TEAD2: variants seen among roughly 807,000 people sequenced by gnomAD.
The protein encoded by TEAD2 is TEA domain transcription factor 2, also known as transcriptional enhancer factor TEF-4.
TEAD2 carries 51 observed loss-of-function variants against 61.4 expected under a neutral mutation model. The observed-to-expected ratio is 0.83, with a 90% confidence interval of 0.66 to 1.05. The LOEUF (loss-of-function observed/expected upper bound fraction) is 1.05. Ranked by LOEUF, TEAD2 falls within the 50% of genes least tolerant of loss-of-function variation. TEAD2 has a pLI of 0.00. For synonymous variants in TEAD2, 244 were observed against 243.2 expected, an observed-to-expected ratio of 1.00 and a Z score of -0.03; for missense variants, 509 against 600.0, an observed-to-expected ratio of 0.85 and a Z score of 1.58.
intron 7 of TEAD2, among the ~76,000 whole-genome samples, chr19:49,353,287 T>TG (rs1972141947): frequency 6.6e-6 from 1 of 151,558 alleles, no homozygotes; most frequent in Admixed American, 6.6e-5. Flanking sequence ...TAGGTAGAGA[T>TG]GGGGTTTTAC....
In TEAD2 at chr19:49,359,846, T is replaced by C. The variant is rs755055453; in HGVS notation, c.230A>G (p.Tyr77Cys). The change falls in exon 2 of 13, where the codon TAT becomes TGT. Residue 77 changes from tyrosine (Y) to cysteine (C), a missense_variant and splice_region_variant. Transcript: ENST00000593945. This position sits in a 1 kb window ranked among gnomAD's most constrained non-coding sequence, Gnocchi z 4.1. ...GCAAAAGACAGAAGTAGACTCACCA[T>C]ACATCTTGCCTTCATCAGACAAAAT... ...KIILSDEGKM[Y>C]GRNELIARYI... is the part of the protein sequence containing the mutation. 1 of 1,613,496 alleles carries C rather than the reference T, an allele frequency of 6.2e-7. No homozygotes were observed. Among genetic ancestry groups the C allele is most frequent in the Non-Finnish European group, 8.5e-7 (1 of 1,179,952 alleles).
Position 49,359,408 on chromosome 19 carries a change from C to T in TEAD2, c.297+27G>A, listed in dbSNP as rs202171797. On this transcript the variant is annotated intron_variant, in intron 3 of 12. Transcript: ENST00000593945. The surrounding 1 kb of genome is among the most constrained non-coding windows in gnomAD (Gnocchi z 4.1). ...CCTAAGAAGACCGGCCCATCCCAGA[C>T]AGAAGCCCACAAGTCCATTCCGAGA... The T allele has an allele frequency of 1.9e-6, 3 of 1,613,316 alleles. No homozygotes were observed. The highest frequency in any genetic ancestry group is 2.7e-5 in the African/African-American group (2 of 75,000).
At chr19:49,355,511 G>T in intron 5 of TEAD2, 92 bp from the exon 6 acceptor site, 1 of 1,091,856 alleles carries the variant, frequency 9.2e-7, no homozygotes, top group Non-Finnish European at 1.4e-6. Context: ...AGACGGGGAG[G>T]TGCAGAGGTG....
intron 3 of TEAD2, chr19:49,357,671 A>C: frequency 3.1e-6 from 1 of 322,482 alleles, no homozygotes; most frequent in Non-Finnish European, 5.9e-6. Flanking sequence ...TCCAAATTTC[A>C]TATTGAAATG....
chr19:49,341,182 G>T lies in TEAD2; in HGVS notation c.*142C>A. 1 of 702,516 alleles carries T rather than the reference G, an allele frequency of 1.4e-6. No individual in the cohort carries two copies. The highest frequency in any genetic ancestry group is 2.4e-6 in the Non-Finnish European group (1 of 419,686). 43.5% of individuals were successfully genotyped at this position (702,516 alleles called of 1,614,324 possible). ...GTTTTGGGGGCCCCTCTAATGGGGG[G>T]GATGGCCCCAGTTGCTTAGGCCTCT... On this transcript the variant is annotated 3_prime_UTR_variant, in exon 13 of 13. Transcript: ENST00000593945. This position sits in a 1 kb window ranked among gnomAD's most constrained non-coding sequence, Gnocchi z 4.2.
intron 9 of TEAD2, among the ~76,000 whole-genome samples, chr19:49,347,995 A>AT (rs946030044): frequency 4.6e-5 from 7 of 152,172 alleles, no homozygotes; most frequent in African/African-American, 1.7e-4. Context: ...GGCCAATGGG[A>AT]TGTGACCAGG....
At position 49,359,417 on chromosome 19, in the gene TEAD2, A is replaced by T; in HGVS notation, c.297+18T>A. Reference sequence around the variant, plus strand: ...ACCGGCCCATCCCAGACAGAAGCCCACAAGTCCATTCCGAGACCTGTTTTC... The same window carrying T: ...ACCGGCCCATCCCAGACAGAAGCCCTCAAGTCCATTCCGAGACCTGTTTTC... On this transcript the variant is annotated intron_variant, in intron 3 of 12. Coordinates refer to ENST00000593945, the MANE Select transcript of TEAD2 (RefSeq NM_001256660.2). This position sits in a 1 kb window ranked among gnomAD's most constrained non-coding sequence, Gnocchi z 4.1. The T allele has an allele frequency of 6.2e-7, 1 of 1,613,824 alleles. No individual in the cohort carries two copies. Among genetic ancestry groups the T allele is most frequent in the Non-Finnish European group, 8.5e-7 (1 of 1,179,834 alleles).
Position 49,340,710 on chromosome 19 carries a change from T to G in TEAD2, c.*614A>C, listed in dbSNP as rs1971204579. ...TAGGAGAGGGATGAGATTAGAAAGT[T>G]CAACACACTGCTTGTGCAGCGGAGA... On this transcript the variant is annotated 3_prime_UTR_variant, in exon 13 of 13. Coordinates refer to ENST00000593945, the MANE Select transcript of TEAD2 (RefSeq NM_001256660.2). 2.6e-6 allele frequency: 1 copy of G among 384,408 alleles called. No individual in the cohort carries two copies. Among genetic ancestry groups the G allele is most frequent in the Non-Finnish European group, 4.9e-6 (1 of 204,632 alleles). The allele number at this position is 384,408 out of a possible 1,614,324, so 23.8% of individuals were successfully genotyped here.
chr19:49,343,235 A>T lies in TEAD2; in HGVS notation c.1085T>A (p.Val362Glu). The change falls in exon 11 of 13, where the codon GTG becomes GAG. Residue 362 changes from valine (V) to glutamate (E), a missense_variant. Physicochemically the swap from Val to Glu is moderately radical, Grantham distance 121 (BLOSUM62 -2). Coordinates refer to ENST00000593945, the MANE Select transcript of TEAD2 (RefSeq NM_001256660.2). ...GCTCCACCCCTCCAGCCTCACCTCC[A>T]CCTTCTCCACCACCTGCTTGCCAAA... Reference protein sequence around the residue: ...CSFGKQVVEKVETERAQLEDG... With the variant: ...CSFGKQVVEKEETERAQLEDG... 6.2e-7 allele frequency: 1 copy of T among 1,608,976 alleles called. No homozygotes were observed. The highest frequency in any genetic ancestry group is 8.5e-7 in the Non-Finnish European group (1 of 1,177,536).
chr19:49,357,205 A>G (rs1265750357), intron 4 of TEAD2, 47 bp downstream of exon 4: 4 of 528,916 alleles, frequency 7.6e-6, no homozygotes, highest in Non-Finnish European at 1.2e-5. Context: ...TCGGTCCCCC[A>G]CCCCCAGTCT....
chr19:49,359,502 G>T lies in TEAD2; in HGVS notation c.233-3C>A, dbSNP rs369999806. 2.5e-4 allele frequency: 405 copies of T among 1,613,952 alleles called. 1 individual carries two copies. In the Middle Eastern group the frequency reaches 3.8e-3, roughly 15 times the overall value. On this transcript the variant is annotated splice_polypyrimidine_tract_variant and splice_region_variant and intron_variant, in intron 2 of 12. Transcript: ENST00000593945. This position sits in a 1 kb window ranked among gnomAD's most constrained non-coding sequence, Gnocchi z 4.1. ...GCGGGCGATCAGTTCATTCCGACCT[G>T]AAGATTCAAAGACGGAACAGAGTTA...
chr19:49,350,724 GTC>G (rs573766589), intron 8 of TEAD2, among the ~76,000 whole-genome samples: 2 of 152,042 alleles, frequency 1.3e-5, no homozygotes, highest in Non-Finnish European at 2.9e-5. Flanking sequence ...CCTCCCCCAT[GTC>G]TCATAAGCTA....
chr19:49,348,281 T>C (rs1381967899), intron 9 of TEAD2, among the ~76,000 whole-genome samples: 2 of 152,200 alleles, frequency 1.3e-5, no homozygotes, highest in Non-Finnish European at 2.9e-5. Flanking sequence ...GCCCACTCCA[T>C]CCTAGCCCAG....
At chr19:49,353,736 A>T (rs1260436284) in intron 7 of TEAD2, among the ~76,000 whole-genome samples, 1 of 144,924 alleles carries the variant, frequency 6.9e-6, no homozygotes, top group Non-Finnish European at 1.5e-5. Context: ...CTCCCCAGTG[A>T]CCTTCCTTCT....
rs1971270307 is a variant in TEAD2 at position 49,341,629 on chromosome 19, C to A, written c.1243-192G>T. 6.6e-6 allele frequency among the ~76,000 whole-genome samples: 1 copy of A among 152,146 alleles called. No individual in the cohort carries two copies. Among genetic ancestry groups the A allele is most frequent in the East Asian group, 1.9e-4 (1 of 5,186 alleles). On this transcript the variant is annotated intron_variant, in intron 12 of 12. Coordinates refer to ENST00000593945, the MANE Select transcript of TEAD2 (RefSeq NM_001256660.2). The surrounding 1 kb of genome is among the most constrained non-coding windows in gnomAD (Gnocchi z 4.2). The stretch of plus-strand genomic sequence containing the variant: ...GTTCCCTGGGCAATGGGGGTTACCC[C>A]TCAGCTGAGCGTTGGCAGTTATGGT...
At chr19:49,361,076 GGACAGAGACCCAAAAAGAGAGGGA>G in intron 1 of TEAD2, among the ~76,000 whole-genome samples, 1 of 128,222 alleles carries the variant, frequency 7.8e-6, no homozygotes, top group Non-Finnish European at 1.6e-5. Flanking sequence ...CCAGAGAGAG[GGACAGAGACCCAAAAAGAGAGGGA>G]GACAGAGACC....
At chr19:49,353,964 T>G (rs903161148) in intron 7 of TEAD2, among the ~76,000 whole-genome samples, 5 of 150,892 alleles carry the variant, frequency 3.3e-5, no homozygotes, top group Non-Finnish European at 7.4e-5. Flanking sequence ...TTTGTTTTTT[T>G]TTTTTTGGTG....
chr19:49,345,223 A>T (rs1342083504), intron 10 of TEAD2, among the ~76,000 whole-genome samples: 1 of 152,168 alleles, frequency 6.6e-6, no homozygotes, highest in East Asian at 1.9e-4. Flanking sequence ...CGTGAACAGC[A>T]AGCTCCAGAA....
At chr19:49,355,098 G>C in intron 7 of TEAD2, 50 bp downstream of exon 7, 1 of 1,490,658 alleles carries the variant, frequency 6.7e-7, no homozygotes, top group Non-Finnish European at 9.2e-7. Flanking sequence ...GGTCTCTGTG[G>C]GAGTGTGAGG....
Sources: allele counts gnomAD v4.1 joint callset (sites outside exome capture counted in the v4.1 genomes callset), GRCh38; gene constraint gnomAD v4.1.1; non-coding constraint Gnocchi (gnomAD v3.1); transcripts MANE v1.5; gene names NCBI Gene and HGNC (gene_info 2026-07-23, HGNC 2026-07-21).